PCGF3: variants seen among roughly 807,000 people sequenced by gnomAD.
PCGF3 encodes the protein polycomb group ring finger 3, also known as polycomb group RING finger protein 3.
A neutral mutation model predicts 33.1 loss-of-function variants in PCGF3; 7 were observed. That is an observed-to-expected ratio of 0.21 (90% confidence interval 0.12 to 0.40). The LOEUF is 0.40. Among genes scored for constraint, PCGF3 ranks in the 10% least tolerant of loss-of-function variants. PCGF3 has a pLI of 1.00. For synonymous variants in PCGF3, 153 were observed against 121.3 expected, an observed-to-expected ratio of 1.26 and a Z score of -1.72; for missense variants, 211 against 313.3, an observed-to-expected ratio of 0.67 and a Z score of 2.46.
chr4:750,777 G>T (rs1305573078), intron 8 of PCGF3, among the ~76,000 whole-genome samples: 1 of 152,142 alleles, frequency 6.6e-6, no homozygotes, highest in East Asian at 1.9e-4. Context: ...CGTGCTGCTG[G>T]CTATGCAGGC....
chr4:765,956 C>A, intron 10 of PCGF3, 76 bp from the exon 11 acceptor site: 1 of 1,351,718 alleles, frequency 7.4e-7, no homozygotes, highest in Non-Finnish European at 1.1e-6. Flanking sequence ...GATTCCTCAG[C>A]ACCCTTCCCG....
At chr4:760,022 G>C (rs958394961) in intron 8 of PCGF3, among the ~76,000 whole-genome samples, 2 of 152,196 alleles carry the variant, frequency 1.3e-5, no homozygotes, top group Non-Finnish European at 2.9e-5. Flanking sequence ...CCTCTCCTGT[G>C]ATGCTTGCAG....
rs556238063 is a variant in PCGF3, at chr4:713,374, C to T, written c.-190+7404C>T. ...GTGGGTCCTGTGTGTCTCATGGGAGCCGTGGCCTTGTGGGTCCTGTGTGGC... is the reference window on the plus strand; with the variant it reads ...GTGGGTCCTGTGTGTCTCATGGGAGTCGTGGCCTTGTGGGTCCTGTGTGGC... On this transcript the variant is annotated intron_variant, in intron 1 of 10. Coordinates refer to ENST00000362003, the Ensembl canonical transcript of PCGF3. 1.3e-4 allele frequency among the ~76,000 whole-genome samples: 18 copies of T among 133,576 alleles called. No individual in the cohort carries two copies. In the South Asian group the frequency reaches 4.5e-3, roughly 34 times the overall value. 87.6% of individuals were successfully genotyped at this position (133,576 alleles called of 152,430 possible). A position where few individuals can be genotyped will look rare whatever the true frequency, so the allele number is the denominator to read the frequency against.
intron 3 of PCGF3, among the ~76,000 whole-genome samples, chr4:732,166 G>A (rs1421780328): frequency 1.6e-5 from 2 of 124,048 alleles, no homozygotes; most frequent in African/African-American, 6.3e-5. Flanking sequence ...GTGAGTGGGC[G>A]TGGTCCTCAG....
chr4:734,907 A>G (rs765393053), intron 4 of PCGF3, 24 bp from the exon 5 acceptor site: 2 of 1,610,454 alleles, frequency 1.2e-6, no homozygotes, highest in South Asian at 2.2e-5. Flanking sequence ...ACGCTCTCCT[A>G]ACACACCTGT....
At chr4:760,578 C>T (rs1013596295) in intron 8 of PCGF3, among the ~76,000 whole-genome samples, 2 of 152,214 alleles carry the variant, frequency 1.3e-5, no homozygotes, top group African/African-American at 4.8e-5. Flanking sequence ...ACCCCCTGTC[C>T]ATTCTTCCAC....
intron 10 of PCGF3, among the ~76,000 whole-genome samples, chr4:765,740 GGGCAGGGGAGT>G (rs1745332815): frequency 6.6e-6 from 1 of 152,164 alleles, no homozygotes; most frequent in South Asian, 2.1e-4. Flanking sequence ...AGGGAGAAGG[GGGCAGGGGAGT>G]GGCAGCCAGG....
chr4:764,813 G>C, intron 9 of PCGF3, 171 bp from the exon 10 acceptor site: 1 of 588,692 alleles, frequency 1.7e-6, no homozygotes, highest in South Asian at 2.0e-5. Flanking sequence ...TCCATCTCTA[G>C]GCTGTGAGGT....
chr4:733,401 G>T (rs1419999828), intron 3 of PCGF3, among the ~76,000 whole-genome samples: 1 of 152,242 alleles, frequency 6.6e-6, no homozygotes, highest in Admixed American at 6.5e-5. Flanking sequence ...CTCACTGCAG[G>T]AGGAGAGGAG....
rs183413079 is a variant in PCGF3 at position 721,672 on chromosome 4, C to T, written c.-189-8958C>T. ...AGGGCCTGTAGGACCCTTAGGGAGA[C>T]GGGTGGCTCTGCGTGTGGGTGTGGA... On this transcript the variant is annotated intron_variant, in intron 1 of 10. Transcript: ENST00000362003. This position sits in a 1 kb window ranked among gnomAD's most constrained non-coding sequence, Gnocchi z 4.1. Among the ~76,000 whole-genome samples the T allele has an allele frequency of 4.0e-3, 608 of 152,026 alleles. 3 individuals are homozygous for T. The highest frequency in any genetic ancestry group is 6.5e-3 in the Non-Finnish European group (444 of 67,954).
At chr4:751,060 CCT>C (rs1298226397) in intron 8 of PCGF3, among the ~76,000 whole-genome samples, 1 of 151,972 alleles carries the variant, frequency 6.6e-6, no homozygotes, top group African/African-American at 2.4e-5. Flanking sequence ...CATTTTTTCC[CCT>C]CTCCATGAGG....
intron 6 of PCGF3, among the ~76,000 whole-genome samples, chr4:742,066 C>T (rs1248772789): frequency 1.3e-5 from 2 of 152,072 alleles, no homozygotes; most frequent in South Asian, 2.1e-4. Context: ...GAGGCTCCAG[C>T]ACTCCATCCA....
chr4:734,374 C>A lies in PCGF3; in HGVS notation c.110-557C>A, dbSNP rs1487608838. ...TGTGCGTCTCTTGATGGCTGGGGAG[C>A]ATTTTGTTTAAACAGGATCTTTAAA... On this transcript the variant is annotated intron_variant, in intron 4 of 10. Coordinates refer to ENST00000362003, the Ensembl canonical transcript of PCGF3. 3.6e-6 allele frequency: 5 copies of A among 1,402,356 alleles called. No individual in the cohort carries two copies. In the African/African-American group the frequency reaches 4.3e-5, roughly 12 times the overall value. 86.9% of individuals were successfully genotyped at this position (1,402,356 alleles called of 1,614,324 possible). A position where few individuals can be genotyped will look rare whatever the true frequency, so the allele number is the denominator to read the frequency against.
intron 9 of PCGF3, chr4:762,424 C>G (rs1745111124): frequency 6.6e-6 from 1 of 152,190 alleles, no homozygotes; most frequent in Non-Finnish European, 1.5e-5. Context: ...CCGAAAGCAT[C>G]CCCCAGATTC....
chr4:755,183 C>T (rs1433792349), intron 8 of PCGF3, among the ~76,000 whole-genome samples: 1 of 152,214 alleles, frequency 6.6e-6, no homozygotes, highest in Non-Finnish European at 1.5e-5. Context: ...TACGCTGTGA[C>T]TTTTTTACAC....
At chr4:734,733 G>A (rs1743758564) in intron 4 of PCGF3, 198 bp from the exon 5 acceptor site, 15 of 1,360,782 alleles carry the variant, frequency 1.1e-5, no homozygotes, top group Middle Eastern at 2.8e-4. Context: ...CATTGACGGG[G>A]CAATTAAAAC....
At chr4:767,039 G>C (rs1016522355) in exon 11 of PCGF3, 1 of 152,324 alleles carries the variant, frequency 6.6e-6, no homozygotes, top group Non-Finnish European at 1.5e-5. Flanking sequence ...CTCATGCCCA[G>C]ACACACTCAC....
rs71640348 is a variant in PCGF3 at position 749,476 on chromosome 4, C to CTTTTTTTTTTTTTTTTTT, written c.462+4795_462+4812dup. 8.1e-4 allele frequency among the ~76,000 whole-genome samples: 61 copies of CTTTTTTTTTTTTTTTTTT among 75,478 alleles called. 5 individuals are homozygous for CTTTTTTTTTTTTTTTTTT. Among genetic ancestry groups the CTTTTTTTTTTTTTTTTTT allele is most frequent in the East Asian group, 1.7e-3 (4 of 2,394 alleles). The allele number at this position is 75,478 out of a possible 152,430, so 49.5% of individuals were successfully genotyped here. A position where few individuals can be genotyped will look rare whatever the true frequency, so the allele number is the denominator to read the frequency against. ...ACCATGCCCTGCTGAATTTTCTTTC[C>CTTTTTTTTTTTTTTTTTT]TTTTTTTTTTTTTTTTTTTTTTTTG... On this transcript the variant is annotated intron_variant, in intron 8 of 10. Coordinates refer to ENST00000362003, the Ensembl canonical transcript of PCGF3.
intron 1 of PCGF3, among the ~76,000 whole-genome samples, chr4:709,821 G>A (rs1037960749): frequency 1.1e-4 from 16 of 152,334 alleles, no homozygotes; most frequent in Non-Finnish European, 2.1e-4. Context: ...CAGCCACGTC[G>A]TGTCCCTGCG....
Sources: allele counts gnomAD v4.1 joint callset (sites outside exome capture counted in the v4.1 genomes callset), GRCh38; gene constraint gnomAD v4.1.1; non-coding constraint Gnocchi (gnomAD v3.1); transcripts MANE v1.5; gene names NCBI Gene and HGNC (gene_info 2026-07-23, HGNC 2026-07-21).